Variants in BNC2 observed in about 807,000 individuals in gnomAD.
The protein encoded by BNC2 is basonuclin zinc finger protein 2, also known as zinc finger protein basonuclin-2.
A neutral mutation model predicts 76.3 loss-of-function variants in BNC2; 20 were observed. That is an observed-to-expected ratio of 0.26 (90% CI 0.18 to 0.38). The LOEUF (loss-of-function observed/expected upper bound fraction) is 0.38, where lower values mean the gene tolerates loss of function less well. Ranked by LOEUF, BNC2 falls within the 10% of genes least tolerant of loss-of-function variation. The pLI is 1.00. For missense variants in BNC2, 1,382 were observed against 1,399.8 expected (o/e 0.99, Z 0.20); for synonymous variants, 582 against 514.8 (o/e 1.13, Z -1.77).
chr9:16,559,309 T>C (rs150395184), intron 4 of BNC2, among the ~76,000 whole-genome samples: 6 of 152,326 alleles, frequency 3.9e-5, no homozygotes, highest in African/African-American at 7.2e-5. Flanking sequence ...CTATCGTTAG[T>C]GTGTTAGTGT....
intron 5 of BNC2, among the ~76,000 whole-genome samples, chr9:16,526,036 T>A (rs1817790601): frequency 6.6e-6 from 1 of 152,154 alleles, no homozygotes; most frequent in Non-Finnish European, 1.5e-5. Context: ...ATACTGTATA[T>A]AAGTTCCTAC....
chr9:16,646,075 G>A (rs544180905), intron 3 of BNC2, among the ~76,000 whole-genome samples: 1 of 152,232 alleles, frequency 6.6e-6, no homozygotes, highest in Non-Finnish European at 1.5e-5. Context: ...CTACCTTCCA[G>A]TTAGCAAAAC....
At chr9:16,707,575 G>C (rs1307511132) in intron 3 of BNC2, among the ~76,000 whole-genome samples, 1 of 152,018 alleles carries the variant, frequency 6.6e-6, no homozygotes, top group African/African-American at 2.4e-5. Flanking sequence ...TGGAACTCTG[G>C]GATACATCAC....
intron 3 of BNC2, among the ~76,000 whole-genome samples, chr9:16,653,939 C>G (rs1474899833): frequency 6.6e-6 from 1 of 151,894 alleles, no homozygotes; most frequent in Non-Finnish European, 1.5e-5. Context: ...TTCCTCGGCC[C>G]CCCTCCTGCC....
At chr9:16,799,950 C>T (rs879429568) in intron 1 of BNC2, among the ~76,000 whole-genome samples, 1 of 151,912 alleles carries the variant, frequency 6.6e-6, no homozygotes, top group Non-Finnish European at 1.5e-5. Flanking sequence ...AGAGGCCGGG[C>T]GCGGTGGCTC....
At chr9:16,730,447 T>C (rs1824471670) in intron 2 of BNC2, among the ~76,000 whole-genome samples, 1 of 151,912 alleles carries the variant, frequency 6.6e-6, no homozygotes. Flanking sequence ...AGAATTAGCC[T>C]TTTTTCCCCC....
intron 3 of BNC2, among the ~76,000 whole-genome samples, chr9:16,704,319 A>C (rs921301091): frequency 6.6e-6 from 1 of 152,174 alleles, no homozygotes; most frequent in African/African-American, 2.4e-5. Context: ...TTCCCTAAGG[A>C]AGGATAGGGG....
chr9:16,724,434 G>C (rs1824253460), intron 3 of BNC2, among the ~76,000 whole-genome samples: 1 of 151,970 alleles, frequency 6.6e-6, no homozygotes, highest in African/African-American at 2.4e-5. Context: ...ACCTGTCACT[G>C]ATCAAACTGA....
intron 5 of BNC2, among the ~76,000 whole-genome samples, chr9:16,477,294 C>T (rs10962437): frequency 0.012 from 1,837 of 151,906 alleles, 36 homozygotes; most frequent in African/African-American, 0.041. Flanking sequence ...CATGCAGCTT[C>T]GGAATACTCT....
At chr9:16,786,758 G>A (rs28584140) in intron 1 of BNC2, among the ~76,000 whole-genome samples, 13,857 of 152,118 alleles carry the variant, frequency 0.091, 804 homozygotes, top group Admixed American at 0.19. Context: ...TGTGATACAG[G>A]TGGGGCAGAA....
intron 3 of BNC2, among the ~76,000 whole-genome samples, chr9:16,676,274 T>G (rs1822639563): frequency 6.6e-6 from 1 of 152,226 alleles, no homozygotes; most frequent in Admixed American, 6.5e-5. Flanking sequence ...TCACTAGCTA[T>G]TCTTATATAA....
In BNC2 at chr9:16,437,210, T is replaced by C. The variant is rs377056909; in HGVS notation, c.984A>G (p.Ile328Met). The change falls in exon 6 of 7, where the codon ATA becomes ATG. Residue 328 changes from isoleucine (I) to methionine (M), a missense_variant. By Grantham distance (10) the Ile-to-Met change is conservative. Coordinates refer to ENST00000380672, the MANE Select transcript of BNC2 (RefSeq NM_017637.6). ...CTAGCAGTGGTGCTGAGACAGGGTT[T>C]ATGTACTGGAATGGAAGCAGAAATG... is the stretch of plus-strand genomic sequence containing the variant. ...SLAFLLPFQY[I>M]NPVSAPLLGL... is the part of the protein sequence containing the mutation. 29 of 1,614,026 alleles carry C rather than the reference T, an allele frequency of 1.8e-5. No homozygotes were observed. The highest frequency in any genetic ancestry group is 1.3e-5 in the African/African-American group (1 of 74,902).
At chr9:16,476,546 CGT>C (rs971502745) in intron 5 of BNC2, among the ~76,000 whole-genome samples, 1 of 150,126 alleles carries the variant, frequency 6.7e-6, no homozygotes, top group South Asian at 2.1e-4. Flanking sequence ...CTTTTTAACC[CGT>C]GTGTGTGTGT....
chr9:16,787,408 T>A (rs10810628), intron 1 of BNC2, among the ~76,000 whole-genome samples: 1 of 152,066 alleles, frequency 6.6e-6, no homozygotes, highest in Non-Finnish European at 1.5e-5. Flanking sequence ...TGAAAGAGTA[T>A]GGACTCTGGA....
At chr9:16,605,139 T>C (rs973840697) in intron 3 of BNC2, among the ~76,000 whole-genome samples, 2 of 152,242 alleles carry the variant, frequency 1.3e-5, no homozygotes, top group African/African-American at 4.8e-5. Context: ...AACACATGAC[T>C]AGATTGTGAC....
intron 3 of BNC2, among the ~76,000 whole-genome samples, chr9:16,704,207 G>A (rs1410511571): frequency 6.6e-6 from 1 of 152,094 alleles, no homozygotes; most frequent in Admixed American, 6.6e-5. Flanking sequence ...CAGTTCAAAT[G>A]TTATATGTAA....
intron 4 of BNC2, among the ~76,000 whole-genome samples, chr9:16,556,386 T>A (rs1818832153): frequency 6.6e-6 from 1 of 152,204 alleles, no homozygotes. Flanking sequence ...AGATATTTAA[T>A]GGAAGTCAAT....
At chr9:16,512,780 C>A (rs990653696) in intron 5 of BNC2, among the ~76,000 whole-genome samples, 5 of 152,106 alleles carry the variant, frequency 3.3e-5, no homozygotes, top group Non-Finnish European at 7.4e-5. Context: ...AGTTGTTTTA[C>A]TGGAGAAGGG....
chr9:16,484,540 C>A (rs896344421), intron 5 of BNC2, among the ~76,000 whole-genome samples: 2 of 152,166 alleles, frequency 1.3e-5, no homozygotes, highest in East Asian at 1.9e-4. Context: ...GAATGTCACA[C>A]AGGATCTTAT....
Sources: allele counts gnomAD v4.1 joint callset (sites outside exome capture counted in the v4.1 genomes callset), GRCh38; gene constraint gnomAD v4.1.1; transcripts MANE v1.5; gene names NCBI Gene and HGNC (gene_info 2026-07-23, HGNC 2026-07-21).